ANKRD29: variants seen among roughly 807,000 people sequenced by gnomAD.
ANKRD29 encodes the protein ankyrin repeat domain 29, also known as ankyrin repeat domain-containing protein 29.
ANKRD29 carries 32 observed loss-of-function variants against 38.0 expected under a neutral mutation model. The observed-to-expected ratio is 0.84, with a 90% CI of 0.64 to 1.13. ANKRD29 has a LOEUF of 1.13. Ranked by LOEUF, ANKRD29 falls within the 50% of genes most tolerant of loss-of-function variation. The pLI is 0.00. For synonymous variants in ANKRD29, 135 were observed against 152.4 expected, an observed-to-expected ratio of 0.89 and a Z score of 0.84; for missense variants, 357 against 377.9, an observed-to-expected ratio of 0.94 and a Z score of 0.46.
Position 23,649,122 on chromosome 18 carries a change from C to T in ANKRD29, c.93G>A (p.Leu31=). The stretch of plus-strand genomic sequence containing the variant: ...CCACGTCCACCCGGCCGCTGTTCAA[C>T]AGCAGCTTCAGCAGCGCCAGGTTTC... The part of the protein sequence containing the change: ...RRGNLALLKL[L]LNSGRVDVDC... The change falls in exon 2 of 10, where the codon CTG becomes CTA. Residue 31 remains leucine, a synonymous_variant. Transcript: ENST00000592179. 6.2e-7 allele frequency: 1 copy of T among 1,614,214 alleles called. No individual in the cohort carries two copies. Among genetic ancestry groups the T allele is most frequent in the Non-Finnish European group, 8.5e-7 (1 of 1,180,002 alleles).
At chr18:23,659,683 C>A (rs748784463) in intron 1 of ANKRD29, among the ~76,000 whole-genome samples, 1 of 150,448 alleles carries the variant, frequency 6.6e-6, no homozygotes, top group Non-Finnish European at 1.5e-5. Flanking sequence ...GCAGAGGTTG[C>A]GGTGAGCTGA....
chr18:23,645,338 G>A (rs2060125101), intron 3 of ANKRD29, among the ~76,000 whole-genome samples: 1 of 152,202 alleles, frequency 6.6e-6, no homozygotes, highest in Non-Finnish European at 1.5e-5. Context: ...CACTTTGGGA[G>A]GCTGATGTGG....
intron 3 of ANKRD29, among the ~76,000 whole-genome samples, chr18:23,640,954 G>T (rs2060066178): frequency 6.6e-6 from 1 of 152,190 alleles, no homozygotes; most frequent in Non-Finnish European, 1.5e-5. Context: ...AAGGGCCTGG[G>T]TGTCTCTGTG....
chr18:23,615,482 C>T (rs1302982945), intron 8 of ANKRD29, among the ~76,000 whole-genome samples: 4 of 151,992 alleles, frequency 2.6e-5, no homozygotes, highest in African/African-American at 9.7e-5. Flanking sequence ...TGCAGTGGCT[C>T]GATCACAGCT....
intron 4 of ANKRD29, among the ~76,000 whole-genome samples, chr18:23,636,765 G>A (rs1049397485): frequency 6.7e-6 from 1 of 148,736 alleles, no homozygotes; most frequent in Admixed American, 6.6e-5. Flanking sequence ...ATAAAGACGG[G>A]GTTTCGCCAT....
rs8084075 is a variant in ANKRD29, at chr18:23,639,055, C to T, written c.232-108G>A. On this transcript the variant is annotated intron_variant, in intron 3 of 9. Transcript: ENST00000592179. ...ATATCCTTGCATAGAAAACTTCTAGCCTAGGAAGGGGCTAAATTTGAACAG... is the reference window on the plus strand; with the variant it reads ...ATATCCTTGCATAGAAAACTTCTAGTCTAGGAAGGGGCTAAATTTGAACAG... 4.0e-3 allele frequency: 3,224 copies of T among 811,910 alleles called. 91 individuals are homozygous for T. In the African/African-American group the frequency reaches 0.05, roughly 13 times the overall value. 50.3% of individuals were successfully genotyped at this position (811,910 alleles called of 1,614,324 possible).
chr18:23,629,462 G>A (rs2059902379), intron 6 of ANKRD29, among the ~76,000 whole-genome samples: 1 of 152,228 alleles, frequency 6.6e-6, no homozygotes, highest in African/African-American at 2.4e-5. Flanking sequence ...AGGTAGTAAG[G>A]CAGCATTATC....
chr18:23,624,977 T>C (rs2059845297), intron 6 of ANKRD29, among the ~76,000 whole-genome samples: 1 of 152,188 alleles, frequency 6.6e-6, no homozygotes, highest in Admixed American at 6.5e-5. Context: ...AAAACCATCC[T>C]CTTCTGTGGG....
intron 2 of ANKRD29, chr18:23,647,179 A>C (rs1568044916): frequency 2.0e-5 from 3 of 152,234 alleles, no homozygotes; most frequent in African/African-American, 7.2e-5. Context: ...AGTATTGCTG[A>C]GTAGTCACTG....
intron 1 of ANKRD29, among the ~76,000 whole-genome samples, chr18:23,662,409 C>T (rs1431650272): frequency 6.6e-6 from 1 of 152,188 alleles, no homozygotes. Context: ...TACCCGCCCC[C>T]GACCTGTTAC....
intron 1 of ANKRD29, among the ~76,000 whole-genome samples, chr18:23,658,000 C>T (rs1235829921): frequency 6.6e-6 from 1 of 152,196 alleles, no homozygotes; most frequent in Non-Finnish European, 1.5e-5. Flanking sequence ...ATTTGCCTTG[C>T]TAGGTATTGG....
At chr18:23,645,456 T>C (rs2060126606) in intron 3 of ANKRD29, among the ~76,000 whole-genome samples, 1 of 152,118 alleles carries the variant, frequency 6.6e-6, no homozygotes, top group South Asian at 2.1e-4. Flanking sequence ...ACACCTGCAG[T>C]CCCAGCTACT....
At chr18:23,622,956 G>T (rs1414015040) in intron 6 of ANKRD29, among the ~76,000 whole-genome samples, 1 of 152,208 alleles carries the variant, frequency 6.6e-6, no homozygotes, top group Non-Finnish European at 1.5e-5. Context: ...GGTGGAAAAA[G>T]CAATCAGTTC....
intron 9 of ANKRD29, among the ~76,000 whole-genome samples, chr18:23,610,041 T>C (rs776416818): frequency 4.6e-5 from 7 of 152,360 alleles, no homozygotes; most frequent in East Asian, 1.9e-4. Context: ...AAATGTTATA[T>C]GTTTTTGTTT....
intron 2 of ANKRD29, chr18:23,648,740 C>G (rs1407463025): frequency 4.9e-6 from 2 of 404,490 alleles, no homozygotes; most frequent in Non-Finnish European, 8.7e-6. Flanking sequence ...CCCACTTGTG[C>G]TCTAAATTAT....
At chr18:23,623,039 C>T (rs1449102964) in intron 6 of ANKRD29, among the ~76,000 whole-genome samples, 2 of 152,138 alleles carry the variant, frequency 1.3e-5, no homozygotes, top group African/African-American at 2.4e-5. Flanking sequence ...TTATTAGCTT[C>T]GCAGAGATAA....
At chr18:23,623,743 C>T (rs996866059) in intron 6 of ANKRD29, among the ~76,000 whole-genome samples, 4 of 151,874 alleles carry the variant, frequency 2.6e-5, no homozygotes, top group Admixed American at 1.3e-4. Flanking sequence ...CCCGGGTTCA[C>T]GCCATTCTCC....
intron 9 of ANKRD29, among the ~76,000 whole-genome samples, chr18:23,603,268 A>C (rs2059535284): frequency 6.6e-6 from 1 of 152,270 alleles, no homozygotes; most frequent in African/African-American, 2.4e-5. Context: ...TGTAACATGC[A>C]CTGCTCATTT....
In ANKRD29 at chr18:23,627,419, T is replaced by G. The variant is rs191752603; in HGVS notation, c.528+2434A>C. 2.0e-3 allele frequency among the ~76,000 whole-genome samples: 301 copies of G among 152,286 alleles called. 2 individuals are homozygous for G. Among genetic ancestry groups the G allele is most frequent in the African/African-American group, 6.3e-3 (263 of 41,566 alleles). On this transcript the variant is annotated intron_variant, in intron 6 of 9. Transcript: ENST00000592179. ...TTGACCAGAGGGTGGATCCCTGCAC[T>G]CAAAGACTAGGTCATCCACTTTGAC...
Sources: gnomAD v4.1 joint callset for allele counts (sites outside exome capture counted in the v4.1 genomes callset) on GRCh38, gnomAD v4.1.1 for gene constraint, MANE v1.5 for transcripts, NCBI Gene and HGNC (gene_info 2026-07-23, HGNC 2026-07-21) for gene names.